The following FAM83H variants were observed in gnomAD, a reference collection of about 807,000 sequenced individuals.
The protein encoded by FAM83H is protein FAM83H.
FAM83H carries 24 observed loss-of-function variants against 30.2 expected under a neutral mutation model. The observed-to-expected ratio is 0.79, with a 90% CI of 0.57 to 1.12. The LOEUF (loss-of-function observed/expected upper bound fraction) is 1.12, where lower values mean the gene tolerates loss of function less well. FAM83H is among the 50% of genes most tolerant of loss of function. The pLI is 0.00. For synonymous variants in FAM83H, 1,013 were observed against 821.7 expected (o/e 1.23, Z -3.98); for missense variants, 2,038 against 1,773.9 (o/e 1.15, Z -2.67).
chr8:143,728,607 A>C lies in FAM83H; in HGVS notation c.854T>G (p.Val285Gly). 1 of 1,610,146 alleles carries C rather than the reference A, an allele frequency of 6.2e-7. No homozygotes were observed. The highest frequency in any genetic ancestry group is 1.1e-5 in the South Asian group (1 of 90,878). Residue 285 changes from valine to glycine, a missense_variant, in exon 5 of 5, where the codon GTG (valine) becomes GGG (glycine). Coordinates refer to ENST00000388913, the MANE Select transcript of FAM83H (RefSeq NM_198488.5). Reference sequence around the variant, plus strand: ...GCGGGCCAGGGCCGCGGCCGAGGGCACAAGCGGCTCGGACTGCGCGAAGAG... The same window carrying C: ...GCGGGCCAGGGCCGCGGCCGAGGGCCCAAGCGGCTCGGACTGCGCGAAGAG... ...RILFAQSEPL[V>G]PSAAALARMD... is the part of the protein sequence containing the mutation.
rs1350808742 is a variant in FAM83H, at chr8:143,730,391, C to A, written c.192G>T (p.Val64=). The A allele has an allele frequency of 1.2e-5, 20 of 1,613,332 alleles. No homozygotes were observed. The highest frequency in any genetic ancestry group is 1.6e-5 in the Non-Finnish European group (19 of 1,180,042). ...DFLCPEELEH[V]SRHLRPPQYV... is the part of the protein sequence containing the mutation. ...ACTGCGGAGGCCGAAGGTGTCGGCTCACATGTTCCAGCTCTTCAGGGCACA... is the reference window on the plus strand; with the variant it reads ...ACTGCGGAGGCCGAAGGTGTCGGCTAACATGTTCCAGCTCTTCAGGGCACA... Residue 64 remains valine (V), a synonymous_variant, in exon 2 of 5, where the codon GTG becomes GTT. Coordinates refer to ENST00000388913, the MANE Select transcript of FAM83H (RefSeq NM_198488.5).
Position 143,725,431 on chromosome 8 carries a change from A to T in FAM83H, c.*490T>A. On this transcript the variant is annotated 3_prime_UTR_variant, in exon 5 of 5. Coordinates refer to ENST00000388913, the MANE Select transcript of FAM83H (RefSeq NM_198488.5). ...GCCAACATAGTGAAACCCTGTCTCTACTAAAAATACAAAAACTACCTGGGC... is the reference window on the plus strand; with the variant it reads ...GCCAACATAGTGAAACCCTGTCTCTTCTAAAAATACAAAAACTACCTGGGC... 5.6e-6 allele frequency: 1 copy of T among 177,468 alleles called. No homozygotes were observed. Among genetic ancestry groups the T allele is most frequent in the Non-Finnish European group, 1.2e-5 (1 of 82,750 alleles). 11.0% of individuals were successfully genotyped at this position (177,468 alleles called of 1,614,324 possible).
chr8:143,728,826 C>T (rs1554623622), intron 4 of FAM83H, 103 bp from the exon 5 acceptor site: 2 of 1,594,578 alleles, frequency 1.3e-6, no homozygotes, highest in Admixed American at 1.7e-5. Flanking sequence ...GTGAGGTCTG[C>T]AAGGACCTGG....
At chr8:143,730,832 G>C (rs1339357031) in intron 1 of FAM83H, among the ~76,000 whole-genome samples, 1 of 152,202 alleles carries the variant, frequency 6.6e-6, no homozygotes, top group Non-Finnish European at 1.5e-5. Flanking sequence ...AGGTATCCCA[G>C]CCCTGTCTCT....
Position 143,728,487 on chromosome 8 carries a change from C to T in FAM83H, c.974G>A (p.Arg325Gln). The part of the protein sequence containing the change: ...GAPTPFSFPK[R>Q]AHLLFPPPRE... ...GGGTGGCGGGAACAGGAGGTGCGCT[C>T]GTTTAGGGAAGGAGAAGGGGGTTGG... is the stretch of plus-strand genomic sequence containing the variant. Residue 325 changes from arginine to glutamine, a missense_variant, in exon 5 of 5, where the codon CGA becomes CAA. Arg to Gln is a conservative substitution (Grantham distance 43). Coordinates refer to ENST00000388913, the MANE Select transcript of FAM83H (RefSeq NM_198488.5). 2 of 1,554,464 alleles carry T rather than the reference C, an allele frequency of 1.3e-6. No individual in the cohort carries two copies. The highest frequency in any genetic ancestry group is 8.7e-7 in the Non-Finnish European group (1 of 1,148,974).
chr8:143,731,484 T>A, intron 1 of FAM83H: 1 of 985,342 alleles, frequency 1.0e-6, no homozygotes, highest in Non-Finnish European at 1.2e-6. Context: ...ATCCTCAGGG[T>A]TTCACAATTG....
In FAM83H at chr8:143,726,710, G is replaced by A. The variant is rs782143259; in HGVS notation, c.2751C>T (p.Pro917=). 298 of 1,606,026 alleles carry A rather than the reference G, an allele frequency of 1.9e-4. 7 individuals carry two copies. In the South Asian group the frequency reaches 2.1e-3, roughly 11 times the overall value. ...AYPERRGSPV[P]PVPERRSSPV... The stretch of plus-strand genomic sequence containing the variant: ...GACTGCTCCTGCGCTCCGGCACGGG[G>A]GGCACCGGACTACCCCTGCGCTCGG... The change falls in exon 5 of 5, where the codon CCC becomes CCT. Residue 917 remains proline, a synonymous_variant. Coordinates refer to ENST00000388913, the MANE Select transcript of FAM83H (RefSeq NM_198488.5).
At chr8:143,732,703 C>T (rs1390897261) in intron 1 of FAM83H, 3 of 985,398 alleles carry the variant, frequency 3.0e-6, no homozygotes, top group Non-Finnish European at 3.6e-6. Context: ...TTCATGGGTA[C>T]GTGTCTCCTG....
chr8:143,728,528 G>A lies in FAM83H; in HGVS notation c.933C>T (p.Val311=), dbSNP rs1286832657. 1 of 1,564,288 alleles carries A rather than the reference G, an allele frequency of 6.4e-7. No individual in the cohort carries two copies. Among genetic ancestry groups the A allele is most frequent in the Non-Finnish European group, 8.7e-7 (1 of 1,154,826 alleles). The change falls in exon 5 of 5, where the codon GTC becomes GTT. Residue 311 remains valine (V), a synonymous_variant. Transcript: ENST00000388913. ...AGGGGGTTGGCGCCCCGACCCCAGG[G>A]ACGCCCACGAGAGGCCCGGCCCCGG... The part of the protein sequence containing the change: ...PYAGAGPLVG[V]PGVGAPTPFS...
At chr8:143,729,422 G>T in intron 2 of FAM83H, 99 bp from the exon 3 acceptor site, 1 of 1,370,104 alleles carries the variant, frequency 7.3e-7, no homozygotes, top group Non-Finnish European at 1.0e-6. Flanking sequence ...GATCACCCAC[G>T]ACCACTGTGA....
At position 143,729,050 on chromosome 8, in the gene FAM83H, G is replaced by A. The variant is rs1212389445; in HGVS notation, c.654C>T (p.Cys218=). The change falls in exon 4 of 5, where the codon TGC becomes TGT. Residue 218 remains cysteine (C), a synonymous_variant. Coordinates refer to ENST00000388913, the MANE Select transcript of FAM83H (RefSeq NM_198488.5). ...GGCCCTTGAAGGACTTCCCAGTGCG[G>A]CAGTAGTAGGTGGGGCCCGCCACAG... The part of the protein sequence containing the change: ...VRTVAGPTYY[C]RTGKSFKGHV... 8.7e-6 allele frequency: 14 copies of A among 1,613,492 alleles called. No individual in the cohort carries two copies. The highest frequency in any genetic ancestry group is 1.2e-5 in the Non-Finnish European group (14 of 1,180,022).
intron 1 of FAM83H, chr8:143,731,791 T>C (rs1818530040): frequency 1.3e-5 from 13 of 985,394 alleles, no homozygotes; most frequent in Non-Finnish European, 1.4e-5. Flanking sequence ...CCACCATCCA[T>C]GCTTGGCTGC....
In FAM83H at chr8:143,724,613, C is replaced by T. The variant is rs1210874823; in HGVS notation, c.*1308G>A. ...GGAGAGGGGGGTGTCTGCTGGATAC[C>T]AGGAGGACAAGGACCACTCCCACCT... On this transcript the variant is annotated 3_prime_UTR_variant, in exon 5 of 5. Transcript: ENST00000388913. 1 of 152,194 alleles carries T rather than the reference C, an allele frequency of 6.6e-6. No individual in the cohort carries two copies. The highest frequency in any genetic ancestry group is 2.1e-4 in the South Asian group (1 of 4,824). 9.4% of individuals were successfully genotyped at this position (152,194 alleles called of 1,614,324 possible). A position where few individuals can be genotyped will look rare whatever the true frequency, so the allele number is the denominator to read the frequency against.
chr8:143,730,713 C>G, intron 1 of FAM83H, 116 bp from the exon 2 acceptor site: 1 of 802,482 alleles, frequency 1.2e-6, no homozygotes, highest in East Asian at 2.8e-5. Context: ...TGGAGTTTAG[C>G]CCATGCCCAG....
At position 143,729,324 on chromosome 8, in the gene FAM83H, C is replaced by T. The variant is rs1488901272; in HGVS notation, c.448-1G>A. ...ACATGTCCATCACCACGGCCACCAC[C>T]TGCAGGGGCGGGTCAGGACGGAGAG... On this transcript the variant is annotated splice_acceptor_variant, in intron 2 of 4. Transcript: ENST00000388913. LOFTEE classifies it high-confidence loss of function. 1 of 1,612,882 alleles carries T rather than the reference C, an allele frequency of 6.2e-7. No homozygotes were observed. The highest frequency in any genetic ancestry group is 8.5e-7 in the Non-Finnish European group (1 of 1,179,976).
chr8:143,727,512 T>TTGCCGCCGC lies in FAM83H; in HGVS notation c.1940_1948dup (p.Ser647_Gly649dup), dbSNP rs1818344923. ...CTCCGGGCCCTCGCGCTCTGGGCCGTTGCCGCCGCTGCCCGGGCCTGGCAC... is the reference window on the plus strand; with the variant it reads ...CTCCGGGCCCTCGCGCTCTGGGCCGTTGCCGCCGCTGCCGCCGCTGCCCGGGCCTGGCAC... On this transcript the variant is annotated inframe_insertion, in exon 5 of 5. Transcript: ENST00000388913. 6.4e-7 allele frequency: 1 copy of TTGCCGCCGC among 1,573,574 alleles called. No homozygotes were observed.
Position 143,725,093 on chromosome 8 carries a change from A to G in FAM83H, c.*828T>C, listed in dbSNP as rs1235198957. ...ACGGGCCTCCAAAAAAGATGCTGGG[A>G]GGCAGCGAGCAGGAGAATCCAAGTA... On this transcript the variant is annotated 3_prime_UTR_variant, in exon 5 of 5. Coordinates refer to ENST00000388913, the MANE Select transcript of FAM83H (RefSeq NM_198488.5). 1.8e-5 allele frequency: 2 copies of G among 109,072 alleles called. No individual in the cohort carries two copies. The highest frequency in any genetic ancestry group is 3.4e-5 in the Non-Finnish European group (2 of 58,892). 6.8% of individuals were successfully genotyped at this position (109,072 alleles called of 1,614,324 possible).
In FAM83H at chr8:143,726,098, G is replaced by A. The variant is rs782337055; in HGVS notation, c.3363C>T (p.Arg1121=). 17 of 1,611,156 alleles carry A rather than the reference G, an allele frequency of 1.1e-5. No homozygotes were observed. The highest frequency in any genetic ancestry group is 1.4e-5 in the Non-Finnish European group (17 of 1,179,316). The change falls in exon 5 of 5, where the codon CGC becomes CGT. Residue 1121 remains arginine (R), a synonymous_variant. Coordinates refer to ENST00000388913, the MANE Select transcript of FAM83H (RefSeq NM_198488.5). ...ASAEERDRLL[R]RMESMRKEKR... ...TCTCCTTGCGCATGCTCTCCATGCGGCGCAGCAGCCGATCGCGCTCCTCCG... is the reference window on the plus strand; with the variant it reads ...TCTCCTTGCGCATGCTCTCCATGCGACGCAGCAGCCGATCGCGCTCCTCCG...
rs1818351037 is a variant in FAM83H at position 143,727,627 on chromosome 8, C to G, written c.1834G>C (p.Asp612His). Reference protein sequence around the residue: ...APMEAEAYEDDVLAPGGRAPA... With the variant: ...APMEAEAYEDHVLAPGGRAPA... The stretch of plus-strand genomic sequence containing the variant: ...GCCCGGCCCCCGGGAGCCAGCACGT[C>G]GTCTTCGTAAGCCTCCGCTTCCATG... The change falls in exon 5 of 5, where the codon GAC becomes CAC. Residue 612 changes from aspartate (D) to histidine (H), a missense_variant. Transcript: ENST00000388913. 1.3e-6 allele frequency: 2 copies of G among 1,580,760 alleles called. No homozygotes were observed. Among genetic ancestry groups the G allele is most frequent in the South Asian group, 2.3e-5 (2 of 88,562 alleles).
Sources: allele counts gnomAD v4.1 joint callset (sites outside exome capture counted in the v4.1 genomes callset), GRCh38; gene constraint gnomAD v4.1.1; transcripts MANE v1.5; gene names NCBI Gene and HGNC (gene_info 2026-07-23, HGNC 2026-07-21).